The following MRPS6 variants were observed in gnomAD, a reference collection of about 807,000 sequenced individuals.
MRPS6 encodes small ribosomal subunit protein bS6m.
MRPS6 carries 6 observed loss-of-function variants against 13.1 expected under a neutral mutation model. That is an observed-to-expected ratio of 0.46 (90% confidence interval 0.25 to 0.91). MRPS6 has a LOEUF of 0.91. Among genes scored for constraint, MRPS6 ranks in the 40% least tolerant of loss-of-function variants. The pLI is 0.18. For synonymous variants in MRPS6, 61 were observed against 56.5 expected, an observed-to-expected ratio of 1.08 and a Z score of -0.36; for missense variants, 164 against 155.6, an observed-to-expected ratio of 1.05 and a Z score of -0.29.
intron 1 of MRPS6, among the ~76,000 whole-genome samples, chr21:34,081,665 T>C (rs2148653508): frequency 6.6e-6 from 1 of 152,272 alleles, no homozygotes; most frequent in East Asian, 1.9e-4. Flanking sequence ...CTTTGTAAAA[T>C]GGAAGTAATT....
chr21:34,142,503 T>C lies in MRPS6; in HGVS notation c.281T>C (p.Val94Ala). The C allele has an allele frequency of 6.2e-7, 1 of 1,613,578 alleles. No individual in the cohort carries two copies. The highest frequency in any genetic ancestry group is 8.5e-7 in the Non-Finnish European group (1 of 1,179,806). ...ATAGATGTGATTAGAGGGAATATTG[T>C]CAAACACCCTCTGACCCAGGAACTA... ...RDIDVIRGNIVKHPLTQELKE... is the reference protein window; with the variant it reads ...RDIDVIRGNIAKHPLTQELKE... The change falls in exon 3 of 3, where the codon GTC (valine) becomes GCC (alanine). Residue 94 changes from valine to alanine, a missense_variant. Physicochemically the swap from Val to Ala is moderately conservative, Grantham distance 64. Coordinates refer to ENST00000399312, the MANE Select transcript of MRPS6 (RefSeq NM_032476.4).
At chr21:34,084,737 C>T (rs1030252147) in intron 1 of MRPS6, among the ~76,000 whole-genome samples, 1 of 152,058 alleles carries the variant, frequency 6.6e-6, no homozygotes, top group African/African-American at 2.4e-5. Context: ...TTGTATTGTA[C>T]CTATCACTCA....
chr21:34,093,695 C>T (rs1399069726), intron 1 of MRPS6, among the ~76,000 whole-genome samples: 2 of 152,088 alleles, frequency 1.3e-5, no homozygotes, highest in East Asian at 1.9e-4. Context: ...AATTGTTGTT[C>T]GTATTGATCT....
At chr21:34,097,310 T>C in intron 1 of MRPS6, 1 of 1,610,664 alleles carries the variant, frequency 6.2e-7, no homozygotes, top group Non-Finnish European at 8.5e-7. Context: ...GACTTTTTGC[T>C]GTGTGTTCAC....
intron 1 of MRPS6, chr21:34,095,741 G>A (rs201799945): frequency 1.2e-6 from 2 of 1,614,024 alleles, no homozygotes; most frequent in East Asian, 4.5e-5. Context: ...TTGTTGCAGT[G>A]ATCTACACAG....
At chr21:34,097,460 T>C in intron 1 of MRPS6, 1 of 1,460,082 alleles carries the variant, frequency 6.8e-7, no homozygotes, top group Non-Finnish European at 9.0e-7. Flanking sequence ...CGCTGTAGGT[T>C]TTAGCCAAAT....
intron 1 of MRPS6, among the ~76,000 whole-genome samples, chr21:34,074,273 C>G (rs1412395517): frequency 6.6e-6 from 1 of 152,024 alleles, no homozygotes; most frequent in Non-Finnish European, 1.5e-5. Flanking sequence ...AAGCGTTCCT[C>G]CAAAGCTTGT....
intron 1 of MRPS6, chr21:34,099,723 G>A (rs1283498799): frequency 1.0e-6 from 1 of 997,822 alleles, no homozygotes; most frequent in African/African-American, 1.7e-5. Flanking sequence ...TTGTGTCTGT[G>A]TGTATATAGC....
intron 1 of MRPS6, among the ~76,000 whole-genome samples, chr21:34,087,614 C>T (rs1192803456): frequency 6.6e-6 from 1 of 152,140 alleles, no homozygotes; most frequent in African/African-American, 2.4e-5. Context: ...TACTTTTGTG[C>T]AAAGACGTAA....
At chr21:34,114,205 G>A (rs368580661) in intron 1 of MRPS6, among the ~76,000 whole-genome samples, 1 of 152,240 alleles carries the variant, frequency 6.6e-6, no homozygotes, top group South Asian at 2.1e-4. Flanking sequence ...AGCAAGTAGG[G>A]TACCTTCATT....
In MRPS6 at chr21:34,088,938, CAGAT is replaced by C. The variant is rs201884644; in HGVS notation, c.45+15196_45+15199del. ...TCTTTGATAAACAGTCTTTTACAAG[CAGAT>C]AGTGTTGAGCCTCTTGAATTCTTAT... On this transcript the variant is annotated intron_variant, in intron 1 of 2. Coordinates refer to ENST00000399312, the MANE Select transcript of MRPS6 (RefSeq NM_032476.4). Among the ~76,000 whole-genome samples, 713 of 151,862 alleles carry C rather than the reference CAGAT, an allele frequency of 4.7e-3. 5 individuals are homozygous for C. Among genetic ancestry groups the C allele is most frequent in the African/African-American group, 0.016 (668 of 41,406 alleles).
At chr21:34,086,550 T>G (rs919384505) in intron 1 of MRPS6, among the ~76,000 whole-genome samples, 1 of 151,436 alleles carries the variant, frequency 6.6e-6, no homozygotes, top group African/African-American at 2.4e-5. Context: ...TGTGTGTGTA[T>G]CTTCCTGAAA....
chr21:34,092,004 T>A (rs1422036968), intron 1 of MRPS6, among the ~76,000 whole-genome samples: 1 of 152,122 alleles, frequency 6.6e-6, no homozygotes, highest in African/African-American at 2.4e-5. Flanking sequence ...AAATACAAGT[T>A]AAAAAGCCTC....
In MRPS6 at chr21:34,142,718, ATTTT is replaced by A. The variant is rs1296885992; in HGVS notation, c.*120_*123del. 1 of 1,229,702 alleles carries A rather than the reference ATTTT, an allele frequency of 8.1e-7. No individual in the cohort carries two copies. Among genetic ancestry groups the A allele is most frequent in the African/African-American group, 1.5e-5 (1 of 64,562 alleles). 76.2% of individuals were successfully genotyped at this position (1,229,702 alleles called of 1,614,324 possible). ...AAGCATGTGTTGCAGGTGCTGTTTG[ATTTT>A]TCTAAGGTATTTTTAGCCCTTGATC... On this transcript the variant is annotated 3_prime_UTR_variant, in exon 3 of 3. Coordinates refer to ENST00000399312, the MANE Select transcript of MRPS6 (RefSeq NM_032476.4).
At chr21:34,102,480 CAT>C (rs1979287334) in intron 1 of MRPS6, 2 of 999,978 alleles carry the variant, frequency 2.0e-6, no homozygotes, top group South Asian at 9.4e-5. Context: ...TAACCATTGG[CAT>C]ATATAGTCTT....
intron 1 of MRPS6, chr21:34,124,920 T>C (rs567191754): frequency 6.3e-4 from 98 of 154,372 alleles, no homozygotes; most frequent in African/African-American, 2.2e-3. Flanking sequence ...GGCTACAGTT[T>C]TGGTGGGATG....
chr21:34,090,785 C>T (rs1015425799), intron 1 of MRPS6, among the ~76,000 whole-genome samples: 9 of 152,258 alleles, frequency 5.9e-5, no homozygotes, highest in African/African-American at 2.2e-4. Flanking sequence ...TGTTGAGGCT[C>T]ATAGAGATGA....
chr21:34,103,431 A>T, intron 1 of MRPS6: 2 of 998,154 alleles, frequency 2.0e-6, no homozygotes, highest in Non-Finnish European at 2.4e-6. Context: ...TGTTTCTTTT[A>T]TATCCATTAA....
chr21:34,118,071 G>T (rs1979989893), intron 1 of MRPS6, among the ~76,000 whole-genome samples: 1 of 151,728 alleles, frequency 6.6e-6, no homozygotes, highest in African/African-American at 2.4e-5. Context: ...TAAAATTTGG[G>T]GTATTTTTGT....
Sources: allele counts gnomAD v4.1 joint callset (sites outside exome capture counted in the v4.1 genomes callset), GRCh38; gene constraint gnomAD v4.1.1; transcripts MANE v1.5; gene names NCBI Gene and HGNC (gene_info 2026-07-23, HGNC 2026-07-21).